Variants in CDH18 observed in about 807,000 individuals in gnomAD.
The protein encoded by CDH18 is cadherin-18.
Under a neutral mutation model 67.9 loss-of-function variants are expected in CDH18, and 31 were observed. That is an observed-to-expected ratio of 0.46 (90% CI 0.34 to 0.62). The LOEUF is 0.62. Among genes scored for constraint, CDH18 ranks in the 20% least tolerant of loss-of-function variants. The pLI, the probability that CDH18 is intolerant of heterozygous loss-of-function variation, is 0.01. For synonymous variants in CDH18, 362 were observed against 347.2 expected (o/e 1.04, Z -0.48); for missense variants, 890 against 975.5 (o/e 0.91, Z 1.17).
chr5:19,747,231 G>A lies in CDH18; in HGVS notation c.234C>T (p.His78=). ...GPDPQYVGKL[H]SNSDKGDGSV... ...ATCCATCACCTTTGTCAGAATTGGA[G>A]TGCAGCTGTGAAATACACATGGAAT... Residue 78 remains histidine, a synonymous_variant, in exon 4 of 13, where the codon CAC becomes CAT. Transcript: ENST00000382275. 1.2e-6 allele frequency: 2 copies of A among 1,611,926 alleles called. No homozygotes were observed. The highest frequency in any genetic ancestry group is 1.7e-6 in the Non-Finnish European group (2 of 1,178,268).
chr5:20,535,383 T>C (rs1756654192), intron 1 of CDH18, among the ~76,000 whole-genome samples: 1 of 152,084 alleles, frequency 6.6e-6, no homozygotes, highest in African/African-American at 2.4e-5. Flanking sequence ...TGTTGCCCAA[T>C]CTCTGGTTGA....
intron 3 of CDH18, among the ~76,000 whole-genome samples, chr5:19,786,032 C>T (rs1775743463): frequency 6.6e-6 from 1 of 151,794 alleles, no homozygotes; most frequent in African/African-American, 2.4e-5. Context: ...AGTAACGAGA[C>T]ATATTTCTGA....
chr5:20,282,074 A>T (rs1042822531), intron 1 of CDH18, among the ~76,000 whole-genome samples: 4 of 152,084 alleles, frequency 2.6e-5, no homozygotes, highest in African/African-American at 9.7e-5. Flanking sequence ...GTATCCTGAG[A>T]CTTTGCTGAA....
At chr5:20,564,725 G>C (rs1251297316) in intron 1 of CDH18, among the ~76,000 whole-genome samples, 1 of 152,036 alleles carries the variant, frequency 6.6e-6, no homozygotes, top group Non-Finnish European at 1.5e-5. Flanking sequence ...GCATTTTAGA[G>C]GGAAGAAAAT....
chr5:19,827,920 C>G (rs1780572427), intron 3 of CDH18, among the ~76,000 whole-genome samples: 1 of 152,040 alleles, frequency 6.6e-6, no homozygotes. Context: ...TACAAAACAT[C>G]AGCATATCCA....
chr5:20,031,691 A>G (rs1739411937), intron 2 of CDH18, among the ~76,000 whole-genome samples: 2 of 152,144 alleles, frequency 1.3e-5, no homozygotes, highest in South Asian at 4.1e-4. Flanking sequence ...ACTCCGGAGA[A>G]TCTTCAACCT....
intron 2 of CDH18, among the ~76,000 whole-genome samples, chr5:20,118,945 AC>A (rs1748133701): frequency 6.6e-6 from 1 of 152,176 alleles, no homozygotes; most frequent in South Asian, 2.1e-4. Flanking sequence ...TATTAGGTGA[AC>A]AAATCAACCC....
chr5:19,956,886 T>A (rs1423022850), intron 2 of CDH18, among the ~76,000 whole-genome samples: 2 of 151,890 alleles, frequency 1.3e-5, no homozygotes, highest in African/African-American at 4.8e-5. Flanking sequence ...AGCAGAAAAC[T>A]GTGAACTAAG....
At chr5:19,795,711 C>T (rs191618443) in intron 3 of CDH18, among the ~76,000 whole-genome samples, 11 of 151,766 alleles carry the variant, frequency 7.2e-5, no homozygotes, top group South Asian at 2.1e-4. Context: ...ATACCAAGAA[C>T]GGAGAAAATT....
At chr5:19,785,213 T>C (rs907592925) in intron 3 of CDH18, among the ~76,000 whole-genome samples, 87 of 152,242 alleles carry the variant, frequency 5.7e-4, no homozygotes, top group African/African-American at 2.0e-3. Context: ...GTATCTGTCA[T>C]AGAATATGAG....
chr5:19,734,853 T>C (rs1019909318), intron 4 of CDH18, among the ~76,000 whole-genome samples: 2 of 152,194 alleles, frequency 1.3e-5, no homozygotes, highest in Non-Finnish European at 2.9e-5. Flanking sequence ...GTCTCTGACA[T>C]GTCAAGGGGT....
At chr5:19,977,367 G>A (rs1027334386) in intron 2 of CDH18, among the ~76,000 whole-genome samples, 3 of 152,074 alleles carry the variant, frequency 2.0e-5, no homozygotes, top group Non-Finnish European at 2.9e-5. Context: ...TCATTTGCAC[G>A]TTTTTTATTA....
At chr5:20,149,791 A>G (rs994232234) in intron 2 of CDH18, among the ~76,000 whole-genome samples, 6 of 152,162 alleles carry the variant, frequency 3.9e-5, no homozygotes, top group Non-Finnish European at 7.4e-5. Context: ...ACATTTTCTC[A>G]TAATTTCTTT....
intron 1 of CDH18, among the ~76,000 whole-genome samples, chr5:20,518,517 G>C (rs894330122): frequency 6.6e-6 from 1 of 152,144 alleles, no homozygotes; most frequent in South Asian, 2.1e-4. Context: ...TATGGATCCT[G>C]TGTAAGCAAT....
intron 5 of CDH18, among the ~76,000 whole-genome samples, chr5:19,713,001 C>G (rs946747519): frequency 6.6e-6 from 1 of 151,714 alleles, no homozygotes; most frequent in Non-Finnish European, 1.5e-5. Flanking sequence ...AGAACACAAT[C>G]GCAATGTTTC....
chr5:19,900,121 T>C (rs1789781880), intron 2 of CDH18, among the ~76,000 whole-genome samples: 1 of 152,080 alleles, frequency 6.6e-6, no homozygotes, highest in Non-Finnish European at 1.5e-5. Flanking sequence ...TAAAATGATG[T>C]TAAACGAAAT....
At chr5:20,340,695 T>C (rs904103349) in intron 1 of CDH18, among the ~76,000 whole-genome samples, 9 of 152,116 alleles carry the variant, frequency 5.9e-5, no homozygotes, top group Non-Finnish European at 1.2e-4. Flanking sequence ...CTCAGGTGAT[T>C]CTGGAGGTTG....
intron 3 of CDH18, among the ~76,000 whole-genome samples, chr5:19,765,881 A>T (rs1581249566): frequency 6.7e-6 from 1 of 148,784 alleles, no homozygotes; most frequent in Non-Finnish European, 1.5e-5. Context: ...TTCAAAAAAC[A>T]TTTTTTTTTT....
At chr5:19,691,518 G>C (rs555629648) in intron 5 of CDH18, among the ~76,000 whole-genome samples, 1 of 151,854 alleles carries the variant, frequency 6.6e-6, no homozygotes, top group East Asian at 1.9e-4. Context: ...GAAACACTTA[G>C]GCCAGATTAA....
Sources: allele counts gnomAD v4.1 joint callset (sites outside exome capture counted in the v4.1 genomes callset), GRCh38; gene constraint gnomAD v4.1.1; transcripts MANE v1.5; gene names NCBI Gene and HGNC (gene_info 2026-07-23, HGNC 2026-07-21).